The following PARVB variants were observed in gnomAD, a reference collection of about 807,000 sequenced individuals.
PARVB encodes the protein beta-parvin.
In PARVB, 46 loss-of-function variants were observed where a neutral mutation model predicts 47.0. The observed-to-expected ratio is 0.98, with a 90% CI of 0.77 to 1.25. PARVB has a LOEUF of 1.25. PARVB is among the 50% of genes most tolerant of loss of function. The pLI, the probability that PARVB is intolerant of heterozygous loss-of-function variation, is 0.00. For missense variants in PARVB, 473 were observed against 471.6 expected, an observed-to-expected ratio of 1.00 and a Z score of -0.03; for synonymous variants, 196 against 196.3, an observed-to-expected ratio of 1.00 and a Z score of 0.01.
intron 2 of PARVB, among the ~76,000 whole-genome samples, chr22:44,016,490 G>C (rs553141015): frequency 1.1e-4 from 16 of 152,198 alleles, no homozygotes; most frequent in Admixed American, 5.2e-4. Context: ...AATGAATCTC[G>C]GGTATCACCC....
At chr22:44,031,187 GCGAC>G (rs2050820215) in intron 1 of PARVB, among the ~76,000 whole-genome samples, 1 of 152,200 alleles carries the variant, frequency 6.6e-6, no homozygotes, top group Non-Finnish European at 1.5e-5. Context: ...TGAGGTCACT[GCGAC>G]GCTGCCCAGC....
intron 9 of PARVB, chr22:44,150,293 G>A (rs1160208201): frequency 6.6e-6 from 1 of 152,260 alleles, no homozygotes; most frequent in African/African-American, 2.4e-5. Flanking sequence ...TTTTAAGCTT[G>A]TGCCGGAGAG....
At chr22:44,164,794 G>A (rs1041006636) in intron 12 of PARVB, among the ~76,000 whole-genome samples, 1 of 152,176 alleles carries the variant, frequency 6.6e-6, no homozygotes, top group African/African-American at 2.4e-5. Flanking sequence ...CCTGTTGCCA[G>A]CATCCGCTCA....
At chr22:44,149,143 G>C (rs965937983) in intron 9 of PARVB, 17 of 152,150 alleles carry the variant, frequency 1.1e-4, no homozygotes, top group Admixed American at 8.5e-4. Context: ...CCACCTCTCA[G>C]GGCACTGTGA....
chr22:44,097,038 C>T (rs1186206197), intron 2 of PARVB, among the ~76,000 whole-genome samples: 2 of 152,214 alleles, frequency 1.3e-5, no homozygotes, highest in East Asian at 1.9e-4. Context: ...CTGTGGGCTC[C>T]TCGAGGGGTC....
In PARVB at chr22:44,136,486, C is replaced by G. The variant is rs1416317533; in HGVS notation, c.660C>G (p.Ser220Arg). The change falls in exon 7 of 13, where the codon AGC becomes AGG. Residue 220 changes from serine to arginine, a missense_variant. By Grantham distance (110) the Ser-to-Arg change is moderately radical. Coordinates refer to ENST00000338758, the MANE Select transcript of PARVB (RefSeq NM_013327.5). ...VRKREGLLHS[S>R]HISEELTTTT... ...AACGGGAAGGCCTGCTGCATTCCAG[C>G]CACATCTCGGAGGAGCTGACCACAA... 1.2e-6 allele frequency: 2 copies of G among 1,614,008 alleles called. No individual in the cohort carries two copies. Among genetic ancestry groups the G allele is most frequent in the African/African-American group, 2.7e-5 (2 of 74,924 alleles).
At chr22:44,008,009 T>C (rs2050483794) in intron 2 of PARVB, among the ~76,000 whole-genome samples, 7 of 152,218 alleles carry the variant, frequency 4.6e-5, no homozygotes, top group Admixed American at 4.6e-4. Flanking sequence ...TTCATGTATA[T>C]ACGCATGCAT....
intron 3 of PARVB, chr22:44,110,476 C>T (rs1378209837): frequency 6.6e-6 from 1 of 152,206 alleles, no homozygotes; most frequent in Non-Finnish European, 1.5e-5. Context: ...GTTTCGACGA[C>T]TGGAGCTTTG....
rs189935604 is a variant in PARVB, at chr22:44,083,479, T to G, written c.113-10449T>G. ...CATGATCGGGGAATAGGGTTTGTCA[T>G]TGTCATGTGCACGGGGAGCTGTGGA... On this transcript the variant is annotated intron_variant, in intron 1 of 12. Transcript: ENST00000338758. Among the ~76,000 whole-genome samples the G allele has an allele frequency of 1.1e-4, 17 of 152,194 alleles. No homozygotes were observed. In the East Asian group the frequency reaches 2.9e-3, roughly 26 times the overall value.
intron 3 of PARVB, chr22:44,111,903 T>A (rs1357497335): frequency 6.6e-6 from 1 of 151,948 alleles, no homozygotes; most frequent in East Asian, 1.9e-4. Context: ...TACCTGGCTG[T>A]CAAGGGCTGA....
chr22:44,154,148 T>C (rs1381806383), intron 10 of PARVB, among the ~76,000 whole-genome samples: 1 of 152,246 alleles, frequency 6.6e-6, no homozygotes, highest in Non-Finnish European at 1.5e-5. Context: ...GCTGAGCCTC[T>C]TACATTGAGA....
intron 2 of PARVB, among the ~76,000 whole-genome samples, chr22:44,000,924 A>G (rs117888954): frequency 1.8e-4 from 28 of 152,334 alleles, no homozygotes; most frequent in African/African-American, 5.5e-4. Context: ...ACATCTTCCA[A>G]ATGTCAACAT....
At chr22:44,158,945 C>T (rs1165174481) in intron 11 of PARVB, among the ~76,000 whole-genome samples, 3 of 152,230 alleles carry the variant, frequency 2.0e-5, no homozygotes, top group African/African-American at 7.2e-5. Flanking sequence ...ATCAATCTGC[C>T]CACTTCTGGC....
chr22:44,001,664 C>G (rs114655667), intron 2 of PARVB, among the ~76,000 whole-genome samples: 1 of 152,152 alleles, frequency 6.6e-6, no homozygotes, highest in African/African-American at 2.4e-5. Context: ...GTGCTGGATC[C>G]AAGTTTCCAA....
At chr22:44,110,901 A>G (rs1295967268) in intron 3 of PARVB, 1 of 152,206 alleles carries the variant, frequency 6.6e-6, no homozygotes, top group Non-Finnish European at 1.5e-5. Flanking sequence ...CGCCCGGCCT[A>G]TATATGCATT....
chr22:44,092,644 A>G (rs1163433730), intron 1 of PARVB, among the ~76,000 whole-genome samples: 2 of 152,054 alleles, frequency 1.3e-5, no homozygotes, highest in Non-Finnish European at 2.9e-5. Flanking sequence ...CTGGACGCTC[A>G]ACATTCATGG....
intron 1 of PARVB, among the ~76,000 whole-genome samples, chr22:44,027,838 C>T (rs2050756028): frequency 2.7e-5 from 4 of 150,104 alleles, no homozygotes; most frequent in Admixed American, 2.0e-4. Context: ...GTGGAGGTTG[C>T]AGTGAGCTGA....
At chr22:44,084,725 T>C (rs1182910632) in intron 1 of PARVB, among the ~76,000 whole-genome samples, 48 of 152,260 alleles carry the variant, frequency 3.2e-4, no homozygotes, top group Admixed American at 2.6e-3. Context: ...TCCTTCAGGG[T>C]AGCTCACTGT....
chr22:44,072,356 A>C (rs1427128702), intron 1 of PARVB, among the ~76,000 whole-genome samples: 1 of 152,102 alleles, frequency 6.6e-6, no homozygotes, highest in African/African-American at 2.4e-5. Flanking sequence ...GTAAATTTCA[A>C]GTTGGGCATC....
Sources: gnomAD v4.1 joint callset for allele counts (sites outside exome capture counted in the v4.1 genomes callset) on GRCh38, gnomAD v4.1.1 for gene constraint, MANE v1.5 for transcripts, NCBI Gene and HGNC (gene_info 2026-07-23, HGNC 2026-07-21) for gene names.